Variants in NRG3 observed in about 807,000 individuals in gnomAD.
NRG3 encodes pro-neuregulin-3, membrane-bound isoform.
Under a neutral mutation model 66.9 loss-of-function variants are expected in NRG3, and 31 were observed. That is an observed-to-expected ratio of 0.46 (90% CI 0.35 to 0.63). NRG3 has a LOEUF of 0.63. NRG3 is among the 20% of genes least tolerant of loss of function. NRG3 has a pLI of 0.00. For missense variants in NRG3, 910 were observed against 878.9 expected (o/e 1.04, Z -0.45); for synonymous variants, 393 against 359.4 (o/e 1.09, Z -1.06).
At chr10:82,914,939 A>G (rs949012881) in intron 4 of NRG3, among the ~76,000 whole-genome samples, 1 of 152,186 alleles carries the variant, frequency 6.6e-6, no homozygotes, top group Admixed American at 6.5e-5. Context: ...CATTCTGAGT[A>G]TATTTTAAAT....
intron 1 of NRG3, among the ~76,000 whole-genome samples, chr10:82,350,648 G>A (rs1015300635): frequency 6.6e-6 from 1 of 152,176 alleles, no homozygotes; most frequent in Non-Finnish European, 1.5e-5. Context: ...ATGAGGTAAA[G>A]GGAATAGCAC....
chr10:82,477,859 G>T (rs1465782633), intron 2 of NRG3, among the ~76,000 whole-genome samples: 2 of 152,110 alleles, frequency 1.3e-5, no homozygotes, highest in South Asian at 4.2e-4. Context: ...CTACTAATTA[G>T]CTGAACAGTG....
chr10:82,233,806 A>G (rs1457020430), intron 1 of NRG3, among the ~76,000 whole-genome samples: 1 of 152,024 alleles, frequency 6.6e-6, no homozygotes, highest in Non-Finnish European at 1.5e-5. Flanking sequence ...TCCCACAAGC[A>G]CCTACTTACA....
At chr10:82,615,645 C>T (rs1045964971) in intron 2 of NRG3, among the ~76,000 whole-genome samples, 1 of 152,070 alleles carries the variant, frequency 6.6e-6, no homozygotes, top group Non-Finnish European at 1.5e-5. Context: ...CAGTAGATGC[C>T]ATTAGAAGTG....
intron 3 of NRG3, among the ~76,000 whole-genome samples, chr10:82,762,516 A>C (rs532876539): frequency 2.6e-4 from 39 of 152,328 alleles, no homozygotes; most frequent in Admixed American, 1.5e-3. Context: ...CAGTGATAGC[A>C]ATACATTGAA....
At chr10:82,417,855 G>A (rs2088694174) in intron 2 of NRG3, among the ~76,000 whole-genome samples, 1 of 152,138 alleles carries the variant, frequency 6.6e-6, no homozygotes, top group South Asian at 2.1e-4. Context: ...ACATCAGTCT[G>A]GCTCTTAAGA....
chr10:82,374,886 C>T (rs146629717), intron 2 of NRG3, among the ~76,000 whole-genome samples: 19 of 152,264 alleles, frequency 1.2e-4, no homozygotes, highest in African/African-American at 3.1e-4. Flanking sequence ...CTTATGGAAA[C>T]GTCTGTTTAT....
chr10:82,471,915 A>G (rs1043884382), intron 2 of NRG3, among the ~76,000 whole-genome samples: 7 of 151,968 alleles, frequency 4.6e-5, no homozygotes, highest in African/African-American at 1.4e-4. Context: ...CAAGGTTTGT[A>G]TATTTCTTAA....
intron 1 of NRG3, among the ~76,000 whole-genome samples, chr10:82,225,935 A>G (rs2076144268): frequency 6.6e-6 from 1 of 152,066 alleles, no homozygotes; most frequent in African/African-American, 2.4e-5. Context: ...AGCTCTCTCC[A>G]TACCCGTTTC....
At chr10:82,726,625 A>C (rs1195498937) in intron 2 of NRG3, among the ~76,000 whole-genome samples, 1 of 152,120 alleles carries the variant, frequency 6.6e-6, no homozygotes, top group South Asian at 2.1e-4. Flanking sequence ...CTCTTTTGTA[A>C]ATTGCCCAGT....
intron 1 of NRG3, among the ~76,000 whole-genome samples, chr10:82,167,904 AT>A (rs2072225604): frequency 6.6e-6 from 1 of 151,504 alleles, no homozygotes; most frequent in Non-Finnish European, 1.5e-5. Context: ...GGGATTCTTC[AT>A]TTTTTTGAAG....
intron 2 of NRG3, among the ~76,000 whole-genome samples, chr10:82,550,320 A>C (rs1330003435): frequency 6.6e-6 from 1 of 152,198 alleles, no homozygotes; most frequent in African/African-American, 2.4e-5. Context: ...CCTGCCAATG[A>C]GAAAACATGT....
At chr10:82,685,980 T>G (rs2054480744) in intron 2 of NRG3, among the ~76,000 whole-genome samples, 1 of 152,164 alleles carries the variant, frequency 6.6e-6, no homozygotes, top group African/African-American at 2.4e-5. Context: ...TGCCTTCTCA[T>G]GGAATGCTTC....
intron 1 of NRG3, among the ~76,000 whole-genome samples, chr10:82,182,666 G>A (rs951389266): frequency 7.9e-5 from 12 of 151,554 alleles, no homozygotes; most frequent in Non-Finnish European, 1.5e-4. Flanking sequence ...ATTGATTTAT[G>A]CACCATGCTT....
At chr10:82,451,189 T>C (rs2091004476) in intron 2 of NRG3, among the ~76,000 whole-genome samples, 1 of 152,162 alleles carries the variant, frequency 6.6e-6, no homozygotes, top group African/African-American at 2.4e-5. Context: ...TCCCATTTTA[T>C]AATTAGAAAC....
intron 2 of NRG3, among the ~76,000 whole-genome samples, chr10:82,550,960 C>T: frequency 6.6e-6 from 1 of 152,116 alleles, no homozygotes; most frequent in East Asian, 1.9e-4. Flanking sequence ...AGACATACTA[C>T]CAGATCCCCA....
intron 3 of NRG3, among the ~76,000 whole-genome samples, chr10:82,764,631 C>T (rs1386165956): frequency 2.0e-5 from 3 of 151,778 alleles, no homozygotes; most frequent in African/African-American, 7.3e-5. Context: ...CCAAAGTGCT[C>T]CCAAAGTACT....
At chr10:82,687,189 C>CA (rs1471168454) in intron 2 of NRG3, among the ~76,000 whole-genome samples, 2 of 152,166 alleles carry the variant, frequency 1.3e-5, no homozygotes, top group African/African-American at 4.8e-5. Context: ...TAATGGGCTT[C>CA]AAAATGTACT....
intron 1 of NRG3, among the ~76,000 whole-genome samples, chr10:82,286,657 G>A (rs941676787): frequency 2.0e-5 from 3 of 152,062 alleles, no homozygotes; most frequent in Non-Finnish European, 4.4e-5. Flanking sequence ...GCATGATCTC[G>A]GCTCACTGCA....
Sources: gnomAD v4.1 joint callset for allele counts (sites outside exome capture counted in the v4.1 genomes callset) on GRCh38, gnomAD v4.1.1 for gene constraint, MANE v1.5 for transcripts, NCBI Gene and HGNC (gene_info 2026-07-23, HGNC 2026-07-21) for gene names.